PNLDC1: variants seen among roughly 807,000 people sequenced by gnomAD.
PNLDC1 encodes the protein poly(A)-specific ribonuclease PNLDC1.
Under a neutral mutation model 82.0 loss-of-function variants are expected in PNLDC1, and 70 were observed. The observed-to-expected ratio is 0.85, with a 90% confidence interval of 0.70 to 1.04. PNLDC1 has a LOEUF of 1.04. PNLDC1 is among the 50% of genes least tolerant of loss of function. The probability of loss-of-function intolerance (pLI) is 0.00; values close to 1 mark genes in which losing one functional copy is unlikely to be tolerated. For synonymous variants in PNLDC1, 280 were observed against 249.3 expected (o/e 1.12, Z -1.16); for missense variants, 631 against 661.1 (o/e 0.95, Z 0.50).
chr6:159,811,935 T>C (rs1161766974), intron 11 of PNLDC1, 149 bp downstream of exon 11: 1 of 655,308 alleles, frequency 1.5e-6, no homozygotes, highest in Non-Finnish European at 2.6e-6. Flanking sequence ...AGTCTTGCTC[T>C]CAAAGCCAGG....
intron 5 of PNLDC1, 23 bp downstream of exon 5, chr6:159,804,111 C>T (rs754824466): frequency 8.7e-6 from 14 of 1,610,204 alleles, no homozygotes; most frequent in South Asian, 5.5e-5. Context: ...AGGAGGGGAA[C>T]GGGAATGTCT....
intron 7 of PNLDC1, among the ~76,000 whole-genome samples, chr6:159,807,165 T>C (rs1323326701): frequency 2.0e-5 from 3 of 152,210 alleles, no homozygotes; most frequent in Non-Finnish European, 4.4e-5. Flanking sequence ...AGTGGTGGGA[T>C]AACAGGCATG....
At chr6:159,808,947 G>A (rs1007144657) in intron 8 of PNLDC1, 68 bp from the exon 9 acceptor site, 1 of 1,593,504 alleles carries the variant, frequency 6.3e-7, no homozygotes. Flanking sequence ...GTTTAGAGAT[G>A]CAGAGCCATT....
chr6:159,800,576 T>C, intron 1 of PNLDC1, 193 bp downstream of exon 1: 1 of 1,461,262 alleles, frequency 6.8e-7, no homozygotes, highest in South Asian at 1.3e-5. Flanking sequence ...CCCACGTCCC[T>C]TGTTGGCCAG....
intron 10 of PNLDC1, 116 bp downstream of exon 10, chr6:159,810,211 C>A: frequency 1.1e-6 from 1 of 878,928 alleles, no homozygotes. Context: ...TCCCCAGTGT[C>A]TGCAGGTTTC....
chr6:159,818,697 A>C (rs1781928272), intron 16 of PNLDC1, 43 bp downstream of exon 16: 1 of 1,571,692 alleles, frequency 6.4e-7, no homozygotes, highest in African/African-American at 1.4e-5. Context: ...TTCAGAGTTC[A>C]GAGGCTTTGC....
chr6:159,816,013 C>T lies in PNLDC1; in HGVS notation c.1040C>T (p.Ala347Val), dbSNP rs201888579. The stretch of plus-strand genomic sequence containing the variant: ...AATTCTGGACCAGAGATTGTTCACG[C>T]GAGCAGGTGTGAGAAATATGGTACG... ...TKNSGPEIVH[A>V]SRCEKYVETK... The change falls in exon 13 of 19, where the codon GCG becomes GTG. Residue 347 changes from alanine to valine, a missense_variant. Coordinates refer to ENST00000392167, the MANE Select transcript of PNLDC1 (RefSeq NM_001271862.2). 149 of 1,613,236 alleles carry T rather than the reference C, an allele frequency of 9.2e-5. 1 individual carries two copies. Among genetic ancestry groups the T allele is most frequent in the Admixed American group, 3.3e-4 (20 of 59,966 alleles).
Position 159,819,905 on chromosome 6 carries a change from G to A in PNLDC1, c.1533-549G>A, listed in dbSNP as rs1781979297. 6.6e-6 allele frequency among the ~76,000 whole-genome samples: 1 copy of A among 152,128 alleles called. No individual in the cohort carries two copies. The highest frequency in any genetic ancestry group is 1.5e-5 in the Non-Finnish European group (1 of 68,016). On this transcript the variant is annotated intron_variant, in intron 18 of 18. Coordinates refer to ENST00000392167, the MANE Select transcript of PNLDC1 (RefSeq NM_001271862.2). The surrounding 1 kb of genome is among the most constrained non-coding windows in gnomAD (Gnocchi z 4.6). ...CAGCTGGGGGCCACCCAGGGAGGAC[G>A]TGGGCTTCTCTCAGGAGAGAGGGAA...
chr6:159,813,269 T>C (rs1394689296), intron 11 of PNLDC1, among the ~76,000 whole-genome samples: 2 of 152,212 alleles, frequency 1.3e-5, no homozygotes, highest in African/African-American at 2.4e-5. Context: ...TTAGAATGCC[T>C]GTATGCTCCA....
At chr6:159,816,079 T>A in intron 13 of PNLDC1, 46 bp downstream of exon 13, 4 of 1,319,924 alleles carry the variant, frequency 3.0e-6, no homozygotes, top group Non-Finnish European at 4.0e-6. Context: ...GGCAGAGTGC[T>A]GAGGTGCTCA....
At chr6:159,808,543 A>C (rs907203071) in intron 7 of PNLDC1, among the ~76,000 whole-genome samples, 197 bp from the exon 8 acceptor site, 4 of 151,838 alleles carry the variant, frequency 2.6e-5, no homozygotes, top group African/African-American at 9.7e-5. Flanking sequence ...AAAAAAAAAA[A>C]AAAACTCTTA....
chr6:159,819,649 A>G lies in PNLDC1; in HGVS notation c.1532+297A>G, dbSNP rs1044841841. ...ACAGGATAAACAAATGGACCCTATA[A>G]TGTGTTGGGTGACAAGTGTTTATTA... On this transcript the variant is annotated intron_variant, in intron 18 of 18. Coordinates refer to ENST00000392167, the MANE Select transcript of PNLDC1 (RefSeq NM_001271862.2). The surrounding 1 kb of genome is among the most constrained non-coding windows in gnomAD (Gnocchi z 4.6). Among the ~76,000 whole-genome samples, 2 of 152,142 alleles carry G rather than the reference A, an allele frequency of 1.3e-5. No homozygotes were observed. Among genetic ancestry groups the G allele is most frequent in the African/African-American group, 4.8e-5 (2 of 41,412 alleles).
Position 159,809,076 on chromosome 6 carries a change from G to T in PNLDC1, c.701G>T (p.Arg234Leu). The T allele has an allele frequency of 6.2e-7, 1 of 1,614,048 alleles. No individual in the cohort carries two copies. Among genetic ancestry groups the T allele is most frequent in the Non-Finnish European group, 8.5e-7 (1 of 1,179,986 alleles). The change falls in exon 9 of 19, where the codon CGA (arginine) becomes CTA (leucine). Residue 234 changes from arginine (R) to leucine (L), a missense_variant. Physicochemically the swap from Arg to Leu is moderately radical, Grantham distance 102 (BLOSUM62 -2). Coordinates refer to ENST00000392167, the MANE Select transcript of PNLDC1 (RefSeq NM_001271862.2). Reference protein sequence around the residue: ...RWYLQNTSCDRESCWKENILL... With the variant: ...RWYLQNTSCDLESCWKENILL... Reference sequence around the variant, plus strand: ...TATCTTCAGAACACCTCTTGTGACCGAGAGAGCTGTTGGAAGGAAAATATT... The same window carrying T: ...TATCTTCAGAACACCTCTTGTGACCTAGAGAGCTGTTGGAAGGAAAATATT...
At chr6:159,814,791 G>T (rs1781760938) in intron 12 of PNLDC1, among the ~76,000 whole-genome samples, 2 of 152,164 alleles carry the variant, frequency 1.3e-5, no homozygotes, top group Non-Finnish European at 2.9e-5. Context: ...CTATCTGTGA[G>T]ATGAGAAAAT....
At chr6:159,814,608 G>C (rs1035686939) in intron 12 of PNLDC1, among the ~76,000 whole-genome samples, 4 of 152,182 alleles carry the variant, frequency 2.6e-5, no homozygotes, top group Non-Finnish European at 5.9e-5. Context: ...GATGGTACCA[G>C]GCATGATACT....
chr6:159,818,827 C>T (rs1781934169), intron 16 of PNLDC1, 119 bp from the exon 17 acceptor site: 1 of 1,280,802 alleles, frequency 7.8e-7, no homozygotes, highest in Non-Finnish European at 1.1e-6. Context: ...ACTCATCCTT[C>T]CTTCTCTTCC....
Position 159,813,670 on chromosome 6 carries a change from TTCCTGGAGCTAC to T in PNLDC1, c.995+16_995+27del. The T allele has an allele frequency of 6.2e-7, 1 of 1,612,618 alleles. No homozygotes were observed. Among genetic ancestry groups the T allele is most frequent in the South Asian group, 1.1e-5 (1 of 91,042 alleles). ...AGTCCTGAACAGGTGAGGACGGCGATTCCTGGAGCTACTGCTGGAGCGGCCTTGGTGGCCTCC... is the reference window on the plus strand; with the variant it reads ...AGTCCTGAACAGGTGAGGACGGCGATTGCTGGAGCGGCCTTGGTGGCCTCC... On this transcript the variant is annotated intron_variant, in intron 12 of 18. Transcript: ENST00000392167.
intron 6 of PNLDC1, among the ~76,000 whole-genome samples, chr6:159,804,987 T>C (rs1456611319): frequency 6.6e-6 from 1 of 152,214 alleles, no homozygotes; most frequent in Non-Finnish European, 1.5e-5. Context: ...CTGTGAGATG[T>C]TATGTTGATC....
In PNLDC1 at chr6:159,820,109, G is replaced by A. The variant is rs551448874; in HGVS notation, c.1533-345G>A. Among the ~76,000 whole-genome samples, 31 of 152,302 alleles carry A rather than the reference G, an allele frequency of 2.0e-4. No homozygotes were observed. The South Asian group carries it at 4.4e-3, about 21-fold the overall frequency. ...CAGCGACAGACCAGAGAAGGATCAA[G>A]TACGAATCCAGGGTTTGAGTCCTGA... On this transcript the variant is annotated intron_variant, in intron 18 of 18. Transcript: ENST00000392167.
Sources: gnomAD v4.1 joint callset for allele counts (sites outside exome capture counted in the v4.1 genomes callset) on GRCh38, gnomAD v4.1.1 for gene constraint, Gnocchi (gnomAD v3.1) non-coding constraint, MANE v1.5 for transcripts, NCBI Gene and HGNC (gene_info 2026-07-23, HGNC 2026-07-21) for gene names.